HMCES: variants seen among roughly 807,000 people sequenced by gnomAD.
HMCES encodes the protein abasic site processing protein HMCES.
HMCES carries 27 observed loss-of-function variants against 35.1 expected under a neutral mutation model. The observed-to-expected ratio is 0.77, with a 90% CI of 0.57 to 1.06. The LOEUF is 1.06. HMCES is among the 50% of genes least tolerant of loss of function. HMCES has a pLI of 0.00. For missense variants in HMCES, 391 were observed against 430.4 expected, an observed-to-expected ratio of 0.91 and a Z score of 0.81; for synonymous variants, 130 against 154.7, an observed-to-expected ratio of 0.84 and a Z score of 1.18.
chr3:129,288,269 T>A (rs1336217217), intron 2 of HMCES, among the ~76,000 whole-genome samples: 2 of 151,238 alleles, frequency 1.3e-5, no homozygotes, highest in Non-Finnish European at 2.9e-5. Flanking sequence ...AGCGAAACTG[T>A]CTCTAAAAAA....
intron 5 of HMCES, among the ~76,000 whole-genome samples, chr3:129,298,974 C>T (rs1184433974): frequency 6.6e-6 from 1 of 152,156 alleles, no homozygotes; most frequent in East Asian, 1.9e-4. Flanking sequence ...GAAACCCCGT[C>T]TCTACTAAAA....
chr3:129,297,372 T>C (rs2071106200), intron 4 of HMCES, among the ~76,000 whole-genome samples: 1 of 152,132 alleles, frequency 6.6e-6, no homozygotes, highest in African/African-American at 2.4e-5. Flanking sequence ...TGTGGGTCTT[T>C]ACCTGATTCC....
At chr3:129,278,865 TGAG>T (rs199845051), upstream of HMCES, 5,803 of 109,676 alleles carry the variant, frequency 0.053, 168 homozygotes, top group Non-Finnish European at 0.076. Flanking sequence ...GGAGCGGGGG[TGAG>T]GAGAGTCGAG....
At chr3:129,280,702 C>T (rs1167677363) in intron 2 of HMCES, among the ~76,000 whole-genome samples, 2 of 152,002 alleles carry the variant, frequency 1.3e-5, no homozygotes, top group East Asian at 1.9e-4. Context: ...GCTAGAAACA[C>T]GTATTTGGTT....
At chr3:129,296,666 G>A (rs1337643037) in intron 4 of HMCES, among the ~76,000 whole-genome samples, 1 of 152,026 alleles carries the variant, frequency 6.6e-6, no homozygotes, top group Non-Finnish European at 1.5e-5. Flanking sequence ...TTTATGTCTG[G>A]AAATTCTTCT....
chr3:129,294,284 G>A (rs933748722), intron 4 of HMCES, among the ~76,000 whole-genome samples: 2 of 152,062 alleles, frequency 1.3e-5, no homozygotes, highest in Non-Finnish European at 2.9e-5. Context: ...TTAGCCTGGT[G>A]CAGTGGTGGG....
At chr3:129,282,157 G>C (rs551459150) in intron 2 of HMCES, among the ~76,000 whole-genome samples, 1 of 151,608 alleles carries the variant, frequency 6.6e-6, no homozygotes, top group African/African-American at 2.4e-5. Flanking sequence ...ATAGAGAGCA[G>C]GATTAAGTGT....
chr3:129,292,892 A>C (rs2071041761), intron 4 of HMCES, among the ~76,000 whole-genome samples: 1 of 152,022 alleles, frequency 6.6e-6, no homozygotes, highest in Admixed American at 6.6e-5. Flanking sequence ...ATGTTTAGGG[A>C]GTGGATTCTG....
At chr3:129,290,044 G>A (rs1226062613) in intron 3 of HMCES, among the ~76,000 whole-genome samples, 2 of 151,576 alleles carry the variant, frequency 1.3e-5, no homozygotes, top group African/African-American at 2.4e-5. Flanking sequence ...AAAATTAGCC[G>A]GGCGTGGTGG....
chr3:129,296,095 C>G (rs554361447), intron 4 of HMCES, among the ~76,000 whole-genome samples: 78 of 152,128 alleles, frequency 5.1e-4, no homozygotes, highest in Middle Eastern at 6.8e-3. Context: ...AAGTCTCGCT[C>G]TGTCACCCAA....
chr3:129,292,039 G>C (rs1374967754), intron 4 of HMCES, among the ~76,000 whole-genome samples: 2 of 152,078 alleles, frequency 1.3e-5, no homozygotes, highest in Non-Finnish European at 2.9e-5. Flanking sequence ...TCGTGCTACT[G>C]TACTCCAGCC....
chr3:129,292,679 A>G (rs2071035928), intron 4 of HMCES, among the ~76,000 whole-genome samples: 1 of 151,506 alleles, frequency 6.6e-6, no homozygotes, highest in Non-Finnish European at 1.5e-5. Context: ...TTTTTAGTAG[A>G]GACGCGGTGT....
chr3:129,296,643 G>A (rs549158785), intron 4 of HMCES, among the ~76,000 whole-genome samples: 1 of 152,234 alleles, frequency 6.6e-6, no homozygotes, highest in South Asian at 2.1e-4. Flanking sequence ...GACAGAGACT[G>A]AGATTAATAA....
At chr3:129,287,193 TG>T (rs1198490071) in intron 2 of HMCES, among the ~76,000 whole-genome samples, 84 of 149,786 alleles carry the variant, frequency 5.6e-4, no homozygotes, top group African/African-American at 2.1e-3. Flanking sequence ...ACAGTGTTTT[TG>T]TTTTTTTTTG....
At chr3:129,285,883 C>A (rs777312132) in intron 2 of HMCES, among the ~76,000 whole-genome samples, 2 of 152,120 alleles carry the variant, frequency 1.3e-5, no homozygotes, top group Non-Finnish European at 2.9e-5. Flanking sequence ...GCACACGCCA[C>A]CACACCCAGC....
chr3:129,292,566 C>T (rs1304778583), intron 4 of HMCES, among the ~76,000 whole-genome samples: 3 of 149,684 alleles, frequency 2.0e-5, no homozygotes, highest in African/African-American at 7.4e-5. Context: ...GATCTCGGCT[C>T]ACTGCAGCCT....
intron 2 of HMCES, among the ~76,000 whole-genome samples, chr3:129,287,688 C>T (rs1211083033): frequency 1.3e-5 from 2 of 152,236 alleles, no homozygotes; most frequent in African/African-American, 4.8e-5. Context: ...GAGGGCCAAC[C>T]TTGTATATAG....
At chr3:129,289,542 AT>A (rs905411685) in intron 3 of HMCES, among the ~76,000 whole-genome samples, 2 of 149,592 alleles carry the variant, frequency 1.3e-5, no homozygotes, top group Admixed American at 6.7e-5. Flanking sequence ...TTATTGTTTA[AT>A]TTTTTTTTTT....
chr3:129,293,118 T>G (rs2071044975), intron 4 of HMCES, among the ~76,000 whole-genome samples: 1 of 152,232 alleles, frequency 6.6e-6, no homozygotes, highest in South Asian at 2.1e-4. Flanking sequence ...TTTTGTTATC[T>G]TACAAGCGGA....
Sources: allele counts gnomAD v4.1 joint callset (sites outside exome capture counted in the v4.1 genomes callset), GRCh38; gene constraint gnomAD v4.1.1; transcripts MANE v1.5; gene names NCBI Gene and HGNC (gene_info 2026-07-23, HGNC 2026-07-21).